The following UCK2 variants were observed in gnomAD, a reference collection of about 807,000 sequenced individuals.
UCK2 encodes uridine-cytidine kinase 2, also known as cytidine monophosphokinase 2.
A neutral mutation model predicts 30.8 loss-of-function variants in UCK2; 6 were observed. That is an observed-to-expected ratio of 0.19 (90% CI 0.11 to 0.38). The LOEUF (loss-of-function observed/expected upper bound fraction) is 0.38, where lower values mean the gene tolerates loss of function less well. Among genes scored for constraint, UCK2 ranks in the 10% least tolerant of loss-of-function variants. The pLI, the probability that UCK2 is intolerant of heterozygous loss-of-function variation, is 1.00. For missense variants in UCK2, 210 were observed against 339.8 expected, an observed-to-expected ratio of 0.62 and a Z score of 3.00; for synonymous variants, 125 against 133.6, an observed-to-expected ratio of 0.94 and a Z score of 0.45.
In UCK2 at chr1:165,896,413, C is replaced by T. The variant is rs183808994; in HGVS notation, c.499+81C>T. 7 of 1,532,622 alleles carry T rather than the reference C, an allele frequency of 4.6e-6. No individual in the cohort carries two copies. In the Admixed American group the frequency reaches 5.2e-5, roughly 11 times the overall value. 94.9% of individuals were successfully genotyped at this position (1,532,622 alleles called of 1,614,324 possible). A position where few individuals can be genotyped will look rare whatever the true frequency, so the allele number is the denominator to read the frequency against. On this transcript the variant is annotated intron_variant, in intron 4 of 6. Coordinates refer to ENST00000367879, the MANE Select transcript of UCK2 (RefSeq NM_012474.5). The stretch of plus-strand genomic sequence containing the variant: ...GCTGGGAGCCTGTGACAGGACCCCA[C>T]CCGCCTGAGTCTGAAGCCCATGCCT...
At chr1:165,858,505 A>G (rs1046927924) in intron 1 of UCK2, among the ~76,000 whole-genome samples, 2 of 152,136 alleles carry the variant, frequency 1.3e-5, no homozygotes, top group African/African-American at 2.4e-5. Context: ...TAGGCCTGGG[A>G]ACTTGTCCCC....
At chr1:165,857,296 T>C (rs1348847137) in intron 1 of UCK2, among the ~76,000 whole-genome samples, 5 of 152,360 alleles carry the variant, frequency 3.3e-5, no homozygotes, top group East Asian at 3.9e-4. Context: ...AGGTGACTTA[T>C]GGTACTAAGT....
At chr1:165,831,107 G>A (rs562891144) in intron 1 of UCK2, among the ~76,000 whole-genome samples, 23 of 150,962 alleles carry the variant, frequency 1.5e-4, no homozygotes, top group African/African-American at 5.1e-4. Flanking sequence ...GACCTGTCTC[G>A]AACAAAAACC....
chr1:165,844,454 T>C (rs1053051499), intron 1 of UCK2, among the ~76,000 whole-genome samples: 2 of 152,236 alleles, frequency 1.3e-5, no homozygotes, highest in Non-Finnish European at 2.9e-5. Context: ...CTTGTTCTAA[T>C]ATGTTCCTGA....
At chr1:165,868,206 C>T (rs140662567) in intron 1 of UCK2, among the ~76,000 whole-genome samples, 37 of 152,286 alleles carry the variant, frequency 2.4e-4, no homozygotes, top group African/African-American at 7.2e-4. Flanking sequence ...AGATATGCTG[C>T]CATACTGGCT....
At chr1:165,850,847 C>T (rs2101857881) in intron 1 of UCK2, among the ~76,000 whole-genome samples, 1 of 151,274 alleles carries the variant, frequency 6.6e-6, no homozygotes, top group Non-Finnish European at 1.5e-5. Flanking sequence ...TGGTCTTGAT[C>T]TCCTGACCTC....
At chr1:165,871,608 G>A (rs1314060733) in intron 1 of UCK2, among the ~76,000 whole-genome samples, 1 of 152,138 alleles carries the variant, frequency 6.6e-6, no homozygotes, top group Non-Finnish European at 1.5e-5. Flanking sequence ...TGCTGGATTG[G>A]TGCCCTCTTG....
At chr1:165,876,867 A>T (rs1405896338) in intron 1 of UCK2, among the ~76,000 whole-genome samples, 1 of 152,110 alleles carries the variant, frequency 6.6e-6, no homozygotes, top group African/African-American at 2.4e-5. Context: ...TTTCACCTTT[A>T]TATGGCTTTC....
At chr1:165,891,373 T>A in intron 3 of UCK2, 51 bp downstream of exon 3, 1 of 1,528,846 alleles carries the variant, frequency 6.5e-7, no homozygotes, top group South Asian at 1.1e-5. Context: ...CCGCAGAGCA[T>A]CCCTGGTCTG....
intron 4 of UCK2, among the ~76,000 whole-genome samples, chr1:165,898,177 A>C (rs1016500781): frequency 5.9e-5 from 9 of 152,226 alleles, no homozygotes; most frequent in African/African-American, 2.2e-4. Context: ...AGTGTGATAC[A>C]CAGGGACAGA....
chr1:165,832,062 C>T (rs1315036606), intron 1 of UCK2, among the ~76,000 whole-genome samples: 1 of 152,166 alleles, frequency 6.6e-6, no homozygotes, highest in Non-Finnish European at 1.5e-5. Context: ...AGCCACCGTG[C>T]CCGGCCTTAT....
At chr1:165,852,906 A>G (rs1231218215) in intron 1 of UCK2, among the ~76,000 whole-genome samples, 1 of 152,226 alleles carries the variant, frequency 6.6e-6, no homozygotes, top group Non-Finnish European at 1.5e-5. Context: ...ATAGTCAAAC[A>G]TCTCTCAAAT....
chr1:165,863,633 G>A (rs1378134032), intron 1 of UCK2, among the ~76,000 whole-genome samples: 1 of 152,196 alleles, frequency 6.6e-6, no homozygotes, highest in South Asian at 2.1e-4. Flanking sequence ...CAAACCAAGG[G>A]CTTCTGAGAG....
At chr1:165,832,311 C>T (rs1483044474) in intron 1 of UCK2, among the ~76,000 whole-genome samples, 2 of 152,130 alleles carry the variant, frequency 1.3e-5, no homozygotes, top group East Asian at 1.9e-4. Context: ...TGCTTCTTCC[C>T]GTAGAGTATG....
chr1:165,839,087 T>G (rs913274241), intron 1 of UCK2, among the ~76,000 whole-genome samples: 3 of 152,034 alleles, frequency 2.0e-5, no homozygotes, highest in Admixed American at 2.0e-4. Flanking sequence ...TGACTTTAAC[T>G]TAAACTTTTA....
intron 1 of UCK2, among the ~76,000 whole-genome samples, chr1:165,839,152 T>C (rs1383091280): frequency 6.6e-6 from 1 of 152,226 alleles, no homozygotes; most frequent in Admixed American, 6.5e-5. Context: ...TTTGTTTAAC[T>C]CAATGCTTTT....
intron 1 of UCK2, among the ~76,000 whole-genome samples, chr1:165,852,460 G>C (rs778309103): frequency 6.6e-6 from 1 of 152,134 alleles, no homozygotes; most frequent in Non-Finnish European, 1.5e-5. Context: ...ACAAACATGA[G>C]AAAAAGCTCA....
chr1:165,830,571 C>T (rs564169479), intron 1 of UCK2, among the ~76,000 whole-genome samples: 64 of 151,880 alleles, frequency 4.2e-4, no homozygotes, highest in East Asian at 3.7e-3. Context: ...GTGATCCGCC[C>T]GCCTCGGCCT....
chr1:165,866,881 T>C (rs1655058236), intron 1 of UCK2, among the ~76,000 whole-genome samples: 1 of 152,268 alleles, frequency 6.6e-6, no homozygotes, highest in South Asian at 2.1e-4. Flanking sequence ...TATATATCAA[T>C]TTATTCATCA....
Sources: allele counts gnomAD v4.1 joint callset (sites outside exome capture counted in the v4.1 genomes callset), GRCh38; gene constraint gnomAD v4.1.1; transcripts MANE v1.5; gene names NCBI Gene and HGNC (gene_info 2026-07-23, HGNC 2026-07-21).